MTUS1: variants seen among roughly 807,000 people sequenced by gnomAD.
MTUS1 encodes microtubule associated scaffold protein 1.
In MTUS1, 109 loss-of-function variants were observed where a neutral mutation model predicts 120.8. The observed-to-expected ratio is 0.90, with a 90% CI of 0.77 to 1.06. The LOEUF (loss-of-function observed/expected upper bound fraction) is 1.06. Ranked by LOEUF, MTUS1 falls within the 50% of genes least tolerant of loss-of-function variation. The pLI is 0.00. For missense variants in MTUS1, 2,210 were observed against 1,486.3 expected (o/e 1.49, Z -8.01); for synonymous variants, 737 against 550.5 (o/e 1.34, Z -4.74).
At chr8:17,703,448 A>G (rs993686523) in intron 6 of MTUS1, among the ~76,000 whole-genome samples, 8 of 152,012 alleles carry the variant, frequency 5.3e-5, no homozygotes, top group Admixed American at 2.0e-4. Flanking sequence ...CCTGGTTAAC[A>G]TGGTGAAACC....
Position 17,754,360 on chromosome 8 carries a change from G to A in MTUS1, c.1448C>T (p.Thr483Ile), listed in dbSNP as rs1401413917. 1 of 1,613,564 alleles carries A rather than the reference G, an allele frequency of 6.2e-7. No individual in the cohort carries two copies. The highest frequency in any genetic ancestry group is 8.5e-7 in the Non-Finnish European group (1 of 1,180,018). The change falls in exon 2 of 15, where the codon ACA becomes ATA. Residue 483 changes from threonine (T) to isoleucine (I), a missense_variant. By Grantham distance (89) the Thr-to-Ile change is moderately conservative (BLOSUM62 -1). Coordinates refer to ENST00000693296, the MANE Select transcript of MTUS1 (RefSeq NM_001363059.2). Reference protein sequence around the residue: ...NLCKPSLGKSTIKTNTPIGCK... With the variant: ...NLCKPSLGKSIIKTNTPIGCK... ...GCCTATTGGGGTATTCGTTTTGATT[G>A]TTGATTTTCCTAAACTGGGTTTACA...
intron 4 of MTUS1, among the ~76,000 whole-genome samples, chr8:17,718,285 C>T (rs1822712989): frequency 6.6e-6 from 1 of 152,144 alleles, no homozygotes; most frequent in Non-Finnish European, 1.5e-5. Context: ...TCATTATATC[C>T]AAACAATAAA....
intron 2 of MTUS1, among the ~76,000 whole-genome samples, chr8:17,752,748 C>T (rs903254418): frequency 6.6e-6 from 1 of 152,106 alleles, no homozygotes; most frequent in East Asian, 1.9e-4. Flanking sequence ...TGTGTCACAC[C>T]TGCCTTTCTC....
intron 1 of MTUS1, among the ~76,000 whole-genome samples, chr8:17,794,698 G>T (rs2052076274): frequency 6.6e-6 from 1 of 152,184 alleles, no homozygotes. Context: ...ACAACGAAAT[G>T]ATTAACAGTA....
intron 6 of MTUS1, among the ~76,000 whole-genome samples, chr8:17,702,475 A>C (rs1215058705): frequency 6.6e-6 from 1 of 152,200 alleles, no homozygotes; most frequent in African/African-American, 2.4e-5. Context: ...CTGTAGGCAC[A>C]ATGCTGTAAC....
chr8:17,759,586 A>G (rs902610921), intron 1 of MTUS1, among the ~76,000 whole-genome samples: 5 of 148,254 alleles, frequency 3.4e-5, no homozygotes, highest in South Asian at 2.1e-4. Context: ...ATGTTACTAT[A>G]TATGTATATT....
Position 17,755,456 on chromosome 8 carries a change from G to C in MTUS1, c.352C>G (p.Gln118Glu). ...GCTTCTAGGGAATGACAACTGTGTT[G>C]CAGATATTTGGGCTTCTCAGTACCT... ...LVGTEKPKYLQHSCHSLEAVE... is the reference protein window; with the variant it reads ...LVGTEKPKYLEHSCHSLEAVE... Residue 118 changes from glutamine to glutamate, a missense_variant, in exon 2 of 15, where the codon CAA (glutamine) becomes GAA (glutamate). Coordinates refer to ENST00000693296, the MANE Select transcript of MTUS1 (RefSeq NM_001363059.2). The C allele has an allele frequency of 6.2e-7, 1 of 1,614,174 alleles. No individual in the cohort carries two copies. Among genetic ancestry groups the C allele is most frequent in the Non-Finnish European group, 8.5e-7 (1 of 1,179,998 alleles).
At chr8:17,710,403 T>A (rs954302116) in intron 6 of MTUS1, among the ~76,000 whole-genome samples, 1 of 152,194 alleles carries the variant, frequency 6.6e-6, no homozygotes, top group Non-Finnish European at 1.5e-5. Context: ...AGGAGTAGAT[T>A]CCATCTCAAG....
intron 4 of MTUS1, chr8:17,721,721 C>T (rs181443751): frequency 1.3e-6 from 2 of 1,559,332 alleles, no homozygotes; most frequent in East Asian, 2.3e-5. Context: ...CTTTTTTTCC[C>T]AGTAAACGTG....
chr8:17,736,686 G>C (rs1586052047), intron 3 of MTUS1, among the ~76,000 whole-genome samples: 2 of 152,166 alleles, frequency 1.3e-5, no homozygotes, highest in Middle Eastern at 3.4e-3. Flanking sequence ...CCAGGTTCAA[G>C]AGATTCTCCT....
rs73571164 is a variant in MTUS1 at position 17,645,518 on chromosome 8, C to T, written c.*408G>A. The T allele has an allele frequency of 1.7e-5, 3 of 172,408 alleles. No individual in the cohort carries two copies. Among genetic ancestry groups the T allele is most frequent in the Admixed American group, 1.2e-4 (2 of 16,982 alleles). 10.7% of individuals were successfully genotyped at this position (172,408 alleles called of 1,614,324 possible). ...TGACATCCATTTCATTCACACCCCC[C>T]ACCCCCACAGTCAGACTGAAAACTC... On this transcript the variant is annotated 3_prime_UTR_variant, in exon 15 of 15. Coordinates refer to ENST00000693296, the MANE Select transcript of MTUS1 (RefSeq NM_001363059.2).
intron 6 of MTUS1, chr8:17,697,520 G>T (rs437548): frequency 7.2e-7 from 1 of 1,394,532 alleles, no homozygotes; most frequent in South Asian, 1.9e-5. Context: ...CATTCCACCA[G>T]AGAGGCATAG....
At chr8:17,766,137 C>A (rs1364418041) in intron 1 of MTUS1, among the ~76,000 whole-genome samples, 1 of 152,288 alleles carries the variant, frequency 6.6e-6, no homozygotes, top group South Asian at 2.1e-4. Context: ...GAATTTTTGT[C>A]ACCAAGTTCA....
At chr8:17,779,243 C>T (rs1396901934) in intron 1 of MTUS1, among the ~76,000 whole-genome samples, 1 of 152,132 alleles carries the variant, frequency 6.6e-6, no homozygotes, top group African/African-American at 2.4e-5. Flanking sequence ...TACTATTTTG[C>T]TGTGATAAGG....
intron 13 of MTUS1, among the ~76,000 whole-genome samples, chr8:17,647,752 A>G (rs1374556263): frequency 6.6e-6 from 1 of 152,238 alleles, no homozygotes; most frequent in Non-Finnish European, 1.5e-5. Flanking sequence ...AGATGAAAGG[A>G]TAAGATGCCT....
chr8:17,674,518 G>A (rs1812670455), intron 8 of MTUS1: 1 of 985,690 alleles, frequency 1.0e-6, no homozygotes, highest in Non-Finnish European at 1.2e-6. Flanking sequence ...GGAGAGAATG[G>A]AACTAAAATA....
Position 17,754,386 on chromosome 8 carries a change from C to T in MTUS1, c.1422G>A (p.Leu474=). ...TTGATTTTCCTAAACTGGGTTTACA[C>T]AGGTTCACAGGTGCCTCCTTCGAGT... ...IPDSKEAPVN[L]CKPSLGKSTI... Residue 474 remains leucine (L), a synonymous_variant, in exon 2 of 15, where the codon CTG becomes CTA. Coordinates refer to ENST00000693296, the MANE Select transcript of MTUS1 (RefSeq NM_001363059.2). The T allele has an allele frequency of 2.5e-6, 4 of 1,614,138 alleles. No homozygotes were observed. Among genetic ancestry groups the T allele is most frequent in the Non-Finnish European group, 3.4e-6 (4 of 1,180,012 alleles).
chr8:17,743,795 G>C lies in MTUS1; in HGVS notation c.2096C>G (p.Ser699Cys), dbSNP rs748095759. Reference sequence around the variant, plus strand: ...TGAGGTGGTCGTTGTTTTTGAAGCAGAGCCCTGTGAAAATAACAGTTAAGA... The same window carrying C: ...TGAGGTGGTCGTTGTTTTTGAAGCACAGCCCTGTGAAAATAACAGTTAAGA... The part of the protein sequence containing the change: ...TFEYGSLFLG[S>C]ASKTTTTSGR... The change falls in exon 3 of 15, where the codon TCT becomes TGT. Residue 699 changes from serine (S) to cysteine (C), a missense_variant. Coordinates refer to ENST00000693296, the MANE Select transcript of MTUS1 (RefSeq NM_001363059.2). 3 of 1,613,384 alleles carry C rather than the reference G, an allele frequency of 1.9e-6. No homozygotes were observed. The highest frequency in any genetic ancestry group is 1.7e-4 in the Middle Eastern group (1 of 5,898).
chr8:17,755,449 C>T lies in MTUS1; in HGVS notation c.359G>A (p.Ser120Asn), dbSNP rs371048746. ...CTCAACTGCTTCTAGGGAATGACAA[C>T]TGTGTTGCAGATATTTGGGCTTCTC... The part of the protein sequence containing the change: ...GTEKPKYLQH[S>N]CHSLEAVEGQ... The change falls in exon 2 of 15, where the codon AGT becomes AAT. Residue 120 changes from serine to asparagine, a missense_variant. Transcript: ENST00000693296. 62 of 1,614,074 alleles carry T rather than the reference C, an allele frequency of 3.8e-5. No individual in the cohort carries two copies. Among genetic ancestry groups the T allele is most frequent in the African/African-American group, 1.3e-5 (1 of 74,938 alleles).
Sources: allele counts gnomAD v4.1 joint callset (sites outside exome capture counted in the v4.1 genomes callset), GRCh38; gene constraint gnomAD v4.1.1; transcripts MANE v1.5; gene names NCBI Gene and HGNC (gene_info 2026-07-23, HGNC 2026-07-21).